The following CD5 variants were observed in gnomAD, a reference collection of about 807,000 sequenced individuals.
The protein encoded by CD5 is CD5 molecule, also known as T-cell surface glycoprotein CD5.
A neutral mutation model predicts 60.3 loss-of-function variants in CD5; 36 were observed. The ratio of observed to expected loss-of-function variants is 0.60; its 90% CI spans 0.46 to 0.79. The LOEUF is 0.79. CD5 is among the 30% of genes least tolerant of loss of function. The pLI is 0.00. For synonymous variants in CD5, 230 were observed against 257.6 expected, an observed-to-expected ratio of 0.89 and a Z score of 1.03; for missense variants, 540 against 630.6, an observed-to-expected ratio of 0.86 and a Z score of 1.54.
Position 61,118,036 on chromosome 11 carries a change from A to C in CD5, c.95-139A>C. 1 of 852,498 alleles carries C rather than the reference A, an allele frequency of 1.2e-6. No individual in the cohort carries two copies. Among genetic ancestry groups the C allele is most frequent in the Non-Finnish European group, 1.8e-6 (1 of 550,142 alleles). 52.8% of individuals were successfully genotyped at this position (852,498 alleles called of 1,614,324 possible). On this transcript the variant is annotated intron_variant, in intron 2 of 10. Transcript: ENST00000347785. This position sits in a 1 kb window ranked among gnomAD's most constrained non-coding sequence, Gnocchi z 4.7. ...AAGCCCCTGCAGTGCCCCAGAAGGG[A>C]CGAAGCTCACAAGGGGCAAGGCAGG...
At chr11:61,119,902 T>A (rs1861031262) in intron 5 of CD5, among the ~76,000 whole-genome samples, 1 of 150,742 alleles carries the variant, frequency 6.6e-6, no homozygotes, top group Non-Finnish European at 1.5e-5. Context: ...GAAAAAAAAA[T>A]GTCTAGGTAG....
rs187226721 is a variant in CD5 at position 61,116,093 on chromosome 11, G to A, written c.94+999G>A. Among the ~76,000 whole-genome samples, 22 of 152,188 alleles carry A rather than the reference G, an allele frequency of 1.4e-4. No individual in the cohort carries two copies. The East Asian group carries it at 1.9e-3, about 13-fold the overall frequency. ...GCTTTGGCCCCAGAGTGTCCTCGTC[G>A]GAAGAAAAGGGTAGCCTGACCCGTG... On this transcript the variant is annotated intron_variant, in intron 2 of 10. Coordinates refer to ENST00000347785, the MANE Select transcript of CD5 (RefSeq NM_014207.4).
chr11:61,102,729 C>T (rs1860715954), intron 1 of CD5, 114 bp downstream of exon 1: 1 of 944,816 alleles, frequency 1.1e-6, no homozygotes, highest in Non-Finnish European at 1.6e-6. Context: ...CCCTCTGGAG[C>T]GTTGTGGAGA....
the CD5 span, among the ~76,000 whole-genome samples, chr11:61,096,691 T>A: frequency 6.6e-6 from 1 of 152,208 alleles, no homozygotes; most frequent in Non-Finnish European, 1.5e-5. Flanking sequence ...ACAGGAGTTA[T>A]CATGGCCCTT....
chr11:61,094,638 A>G, the CD5 span, among the ~76,000 whole-genome samples: 1 of 151,798 alleles, frequency 6.6e-6, no homozygotes, highest in Non-Finnish European at 1.5e-5. Flanking sequence ...GTAAACTGTA[A>G]AAGTGTGTGT....
chr11:61,122,532 T>C (rs1476102128), intron 6 of CD5, among the ~76,000 whole-genome samples: 3 of 152,082 alleles, frequency 2.0e-5, no homozygotes, highest in Admixed American at 2.0e-4. Flanking sequence ...GATGGACAGA[T>C]GGATGGATGG....
chr11:61,103,645 T>A (rs1565182007), intron 1 of CD5, among the ~76,000 whole-genome samples: 1 of 130,938 alleles, frequency 7.6e-6, no homozygotes, highest in East Asian at 2.1e-4. Context: ...GAGAACTGTG[T>A]TGGGGGGTAA....
At chr11:61,120,559 G>A (rs1465015220) in intron 5 of CD5, among the ~76,000 whole-genome samples, 1 of 152,202 alleles carries the variant, frequency 6.6e-6, no homozygotes, top group Non-Finnish European at 1.5e-5. Flanking sequence ...GACTCAGTGT[G>A]GTCCTGGAAC....
intron 1 of CD5, among the ~76,000 whole-genome samples, chr11:61,104,808 G>A (rs1860755350): frequency 1.3e-5 from 2 of 152,240 alleles, no homozygotes; most frequent in South Asian, 4.1e-4. Flanking sequence ...GGCCCAGGAA[G>A]GCCGAGTGCA....
intron 4 of CD5, 21 bp from the exon 5 acceptor site, chr11:61,119,213 T>C (rs1861013704): frequency 6.4e-7 from 1 of 1,560,872 alleles, no homozygotes. Flanking sequence ...TGGCTCCCCC[T>C]CCTGCTCTCT....
chr11:61,103,727 TGTGA>T (rs1213023829), intron 1 of CD5, among the ~76,000 whole-genome samples: 1 of 143,552 alleles, frequency 7.0e-6, no homozygotes, highest in Non-Finnish European at 1.5e-5. Context: ...TAGGGGAATG[TGTGA>T]GTCTGTGTGT....
At chr11:61,103,008 C>G (rs1052624449) in intron 1 of CD5, among the ~76,000 whole-genome samples, 1 of 152,214 alleles carries the variant, frequency 6.6e-6, no homozygotes, top group Admixed American at 6.5e-5. Context: ...TTTACTTGGT[C>G]GCCTCCAGAG....
chr11:61,125,179 C>T (rs371695691), intron 9 of CD5, 28 bp downstream of exon 9: 38 of 1,613,204 alleles, frequency 2.4e-5, no homozygotes, highest in East Asian at 4.5e-5. Flanking sequence ...CTCCCAGGCA[C>T]GCAGGCAGGG....
At chr11:61,111,916 A>C (rs1590768837) in intron 1 of CD5, among the ~76,000 whole-genome samples, 1 of 152,220 alleles carries the variant, frequency 6.6e-6, no homozygotes, top group Non-Finnish European at 1.5e-5. Context: ...CGGCTCTAGA[A>C]AGCTAGTCCC....
chr11:61,099,690 C>T (rs1860633191), upstream of CD5, among the ~76,000 whole-genome samples: 1 of 150,644 alleles, frequency 6.6e-6, no homozygotes, highest in African/African-American at 2.5e-5. Flanking sequence ...CAAATTCACA[C>T]ATCAACATGG....
At chr11:61,120,372 T>C (rs1861039990) in intron 5 of CD5, among the ~76,000 whole-genome samples, 1 of 152,210 alleles carries the variant, frequency 6.6e-6, no homozygotes, top group Non-Finnish European at 1.5e-5. Flanking sequence ...GGACCATTCC[T>C]GGACATTCTA....
At chr11:61,109,095 C>T (rs545970135) in intron 1 of CD5, among the ~76,000 whole-genome samples, 2 of 152,242 alleles carry the variant, frequency 1.3e-5, no homozygotes, top group East Asian at 1.9e-4. Context: ...CTGGCCCTGC[C>T]GAGTTCTCAC....
At chr11:61,100,673 CATTCACACACATCAACATGGAGATCACAA>C, upstream of CD5, among the ~76,000 whole-genome samples, 1 of 121,060 alleles carries the variant, frequency 8.3e-6, no homozygotes, top group African/African-American at 3.4e-5. Context: ...ATGGAGATCA[CATTCACACACATCAACATGGAGATCACAA>C]ACACACATCA....
upstream of CD5, among the ~76,000 whole-genome samples, chr11:61,101,269 A>T (rs1308102544): frequency 1.9e-4 from 20 of 104,708 alleles, 1 homozygote; most frequent in African/African-American, 7.1e-4. Flanking sequence ...GAGATCACAA[A>T]CACACATCAA....
Sources: gnomAD v4.1 joint callset for allele counts (sites outside exome capture counted in the v4.1 genomes callset) on GRCh38, gnomAD v4.1.1 for gene constraint, Gnocchi (gnomAD v3.1) non-coding constraint, MANE v1.5 for transcripts, NCBI Gene and HGNC (gene_info 2026-07-23, HGNC 2026-07-21) for gene names.